The following ARHGEF10 variants were observed in gnomAD, a reference collection of about 807,000 sequenced individuals.
ARHGEF10 encodes the protein Rho guanine nucleotide exchange factor (GEF) 10.
Under a neutral mutation model 147.4 loss-of-function variants are expected in ARHGEF10, and 140 were observed. That is an observed-to-expected ratio of 0.95 (90% CI 0.83 to 1.09). The LOEUF is 1.09. Among genes scored for constraint, ARHGEF10 ranks in the 50% least tolerant of loss-of-function variants. The pLI is 0.00. For synonymous variants in ARHGEF10, 902 were observed against 695.8 expected, an observed-to-expected ratio of 1.30 and a Z score of -4.67; for missense variants, 2,222 against 1,752.7, an observed-to-expected ratio of 1.27 and a Z score of -4.78.
chr8:1,911,417 A>G (rs948174315), intron 18 of ARHGEF10, among the ~76,000 whole-genome samples: 16 of 152,234 alleles, frequency 1.1e-4, no homozygotes, highest in Non-Finnish European at 2.1e-4. Context: ...TTTGCCATCA[A>G]TAGTGTTTTG....
chr8:1,840,150 GGGACTGTCCGGTGTGC>G, intron 1 of ARHGEF10, among the ~76,000 whole-genome samples: 1 of 136,736 alleles, frequency 7.3e-6, no homozygotes, highest in Admixed American at 7.2e-5. Context: ...GTCTGGTGTG[GGGACTGTCCGGTGTGC>G]AAGCTGTCCG....
At chr8:1,909,547 G>C (rs1039418165) in intron 18 of ARHGEF10, 77 bp downstream of exon 18, 21 of 1,574,250 alleles carry the variant, frequency 1.3e-5, no homozygotes, top group Non-Finnish European at 1.6e-5. Flanking sequence ...TGGGGCCAGC[G>C]TAAGCTCCAC....
chr8:1,941,229 A>C (rs1204038341), intron 26 of ARHGEF10, among the ~76,000 whole-genome samples: 2 of 152,370 alleles, frequency 1.3e-5, no homozygotes, highest in South Asian at 4.1e-4. Flanking sequence ...AATTCACAGC[A>C]AAACTACTAG....
chr8:1,858,541 G>A (rs1805794286), intron 3 of ARHGEF10, among the ~76,000 whole-genome samples: 1 of 152,158 alleles, frequency 6.6e-6, no homozygotes, highest in South Asian at 2.1e-4. Context: ...TTCCCAATAA[G>A]AATGACCTCA....
intron 25 of ARHGEF10, among the ~76,000 whole-genome samples, chr8:1,930,005 C>A (rs550561212): frequency 6.6e-6 from 1 of 152,174 alleles, no homozygotes. Flanking sequence ...GCCCCTGCCG[C>A]GTTGGTGGCA....
chr8:1,849,980 G>T (rs1378102008), intron 2 of ARHGEF10, among the ~76,000 whole-genome samples: 1 of 95,258 alleles, frequency 1.0e-5, no homozygotes, highest in African/African-American at 3.8e-5. Context: ...TGGGCCGGCT[G>T]CATGGACACA....
At chr8:1,856,063 G>A (rs1467646276) in intron 2 of ARHGEF10, among the ~76,000 whole-genome samples, 1 of 152,096 alleles carries the variant, frequency 6.6e-6, no homozygotes, top group African/African-American at 2.4e-5. Context: ...TGCTTCGATT[G>A]TTTCATTTGA....
At chr8:1,932,711 A>G (rs1813252300) in intron 25 of ARHGEF10, among the ~76,000 whole-genome samples, 1 of 152,260 alleles carries the variant, frequency 6.6e-6, no homozygotes. Context: ...AACTAAAAGT[A>G]TGCCACAGAA....
intron 18 of ARHGEF10, among the ~76,000 whole-genome samples, chr8:1,920,810 G>A (rs1812226994): frequency 6.6e-6 from 1 of 151,380 alleles, no homozygotes; most frequent in Non-Finnish European, 1.5e-5. Context: ...TTTTGATGGA[G>A]TTTAGCTCTT....
Position 1,909,411 on chromosome 8 carries a change from G to A in ARHGEF10, c.2084G>A (p.Ser695Asn). 3 of 1,614,160 alleles carry A rather than the reference G, an allele frequency of 1.9e-6. No homozygotes were observed. The highest frequency in any genetic ancestry group is 2.2e-5 in the East Asian group (1 of 44,884). Residue 695 changes from serine to asparagine, a missense_variant, in exon 18 of 29, where the codon AGC becomes AAC. By Grantham distance (46) the Ser-to-Asn change is conservative. Transcript: ENST00000349830. Reference protein sequence around the residue: ...YGSSAGTGEHSRHLAVHPPES... With the variant: ...YGSSAGTGEHNRHLAVHPPES... ...AGCAGCGCAGGCACGGGCGAGCACA[G>A]CAGGCACCTTGCCGTTCACCCGCCG... is the stretch of plus-strand genomic sequence containing the variant.
chr8:1,912,482 TAGACTC>T (rs2129188443), intron 18 of ARHGEF10, among the ~76,000 whole-genome samples: 1 of 151,960 alleles, frequency 6.6e-6, no homozygotes, highest in East Asian at 2.0e-4. Context: ...CGTGCAGTGT[TAGACTC>T]AGTAGGGAGC....
At chr8:1,852,563 C>T (rs1232142999) in intron 2 of ARHGEF10, among the ~76,000 whole-genome samples, 4 of 152,270 alleles carry the variant, frequency 2.6e-5, no homozygotes, top group African/African-American at 9.6e-5. Flanking sequence ...CCGGGAGCAG[C>T]ACCTTTTCTA....
chr8:1,936,571 A>G (rs373534482), intron 26 of ARHGEF10, among the ~76,000 whole-genome samples: 57 of 152,268 alleles, frequency 3.7e-4, no homozygotes, highest in African/African-American at 1.3e-3. Flanking sequence ...CAGTTGGGGC[A>G]AGGGGTCTAA....
chr8:1,928,651 G>A lies in ARHGEF10; in HGVS notation c.2921+1G>A, dbSNP rs760684379. On this transcript the variant is annotated splice_donor_variant, in intron 24 of 28. Coordinates refer to ENST00000349830, the MANE Select transcript of ARHGEF10 (RefSeq NM_014629.4). LOFTEE classifies it high-confidence loss of function. ...TCTGTGTAGGGACGGAGGAGGGAAG[G>A]TAGGGCATGCTCACTGCGTTACAGA... is the stretch of plus-strand genomic sequence containing the variant. 1 of 1,613,938 alleles carries A rather than the reference G, an allele frequency of 6.2e-7. No homozygotes were observed. The highest frequency in any genetic ancestry group is 1.3e-5 in the African/African-American group (1 of 74,920).
intron 26 of ARHGEF10, among the ~76,000 whole-genome samples, chr8:1,944,458 G>A (rs1814394118): frequency 6.6e-6 from 1 of 152,236 alleles, no homozygotes; most frequent in South Asian, 2.1e-4. Flanking sequence ...CTGCCCGCCG[G>A]GTTCACTGGG....
chr8:1,909,741 G>A (rs113353876), intron 18 of ARHGEF10, among the ~76,000 whole-genome samples: 11 of 152,156 alleles, frequency 7.2e-5, no homozygotes, highest in South Asian at 2.1e-4. Flanking sequence ...CCGTCTTCCC[G>A]GTCCAGTGAG....
intron 6 of ARHGEF10, among the ~76,000 whole-genome samples, chr8:1,867,946 C>A (rs905338802): frequency 2.0e-5 from 3 of 152,280 alleles, no homozygotes; most frequent in Non-Finnish European, 2.9e-5. Context: ...AAAGCAGGAT[C>A]GTTACAGGAT....
chr8:1,949,205 TC>T (rs919452199), intron 27 of ARHGEF10, among the ~76,000 whole-genome samples: 5 of 152,184 alleles, frequency 3.3e-5, no homozygotes, highest in African/African-American at 1.2e-4. Context: ...TGATGAAACC[TC>T]CTTCCTTCCT....
chr8:1,905,753 A>G, intron 17 of ARHGEF10, 37 bp downstream of exon 17: 1 of 1,609,772 alleles, frequency 6.2e-7, no homozygotes, highest in Non-Finnish European at 8.5e-7. Flanking sequence ...TCCTACCATC[A>G]TCACATGTTA....
Sources: allele counts gnomAD v4.1 joint callset (sites outside exome capture counted in the v4.1 genomes callset), GRCh38; gene constraint gnomAD v4.1.1; transcripts MANE v1.5; gene names NCBI Gene and HGNC (gene_info 2026-07-23, HGNC 2026-07-21).